SPTBN1: variants seen among roughly 807,000 people sequenced by gnomAD.
The protein encoded by SPTBN1 is spectrin beta chain, non-erythrocytic 1.
SPTBN1 carries 32 observed loss-of-function variants against 266.4 expected under a neutral mutation model. That is an observed-to-expected ratio of 0.12 (90% CI 0.09 to 0.16). The LOEUF is 0.16. Ranked by LOEUF, SPTBN1 falls within the 10% of genes least tolerant of loss-of-function variation. The probability of loss-of-function intolerance (pLI) is 1.00; values close to 1 mark genes in which losing one functional copy is unlikely to be tolerated. For missense variants in SPTBN1, 2,296 were observed against 3,067.1 expected (o/e 0.75, Z 5.94); for synonymous variants, 1,336 against 1,162.2 (o/e 1.15, Z -3.04).
intron 2 of SPTBN1, among the ~76,000 whole-genome samples, chr2:54,553,692 C>G (rs921879745): frequency 1.3e-5 from 2 of 152,140 alleles, no homozygotes; most frequent in Non-Finnish European, 2.9e-5. Context: ...TCTTTCCCAG[C>G]TCTCGGATTG....
At chr2:54,544,457 T>G (rs1356310635) in intron 2 of SPTBN1, among the ~76,000 whole-genome samples, 1 of 152,204 alleles carries the variant, frequency 6.6e-6, no homozygotes, top group Non-Finnish European at 1.5e-5. Context: ...TTGAACTTAC[T>G]AAACCTTTCC....
intron 15 of SPTBN1, among the ~76,000 whole-genome samples, 158 bp from the exon 16 acceptor site, chr2:54,630,697 T>C: frequency 6.6e-6 from 1 of 152,250 alleles, no homozygotes; most frequent in East Asian, 1.9e-4. Context: ...ATATTTGGTG[T>C]TCACAGTTTG....
intron 2 of SPTBN1, among the ~76,000 whole-genome samples, chr2:54,548,929 A>G (rs1167708719): frequency 6.6e-6 from 1 of 152,152 alleles, no homozygotes; most frequent in East Asian, 1.9e-4. Flanking sequence ...ATCAGTGTTC[A>G]GCTTTCAAAA....
chr2:54,656,020 C>G (rs1335021171), intron 29 of SPTBN1, 22 bp downstream of exon 29: 1 of 1,590,856 alleles, frequency 6.3e-7, no homozygotes, highest in Non-Finnish European at 8.6e-7. Flanking sequence ...GTTTATCTTT[C>G]TGCTCTTTTG....
At chr2:54,637,928 C>G in intron 18 of SPTBN1, 125 bp downstream of exon 18, 1 of 761,358 alleles carries the variant, frequency 1.3e-6, no homozygotes. Flanking sequence ...ACCCATTTGA[C>G]TCGCAGGCAG....
chr2:54,541,224 A>G (rs1573374646), intron 2 of SPTBN1, among the ~76,000 whole-genome samples: 1 of 152,232 alleles, frequency 6.6e-6, no homozygotes, highest in Admixed American at 6.5e-5. Context: ...ATATGTCTCT[A>G]CTATGAACAT....
chr2:54,530,617 A>G (rs2104350013), intron 2 of SPTBN1, among the ~76,000 whole-genome samples: 1 of 152,156 alleles, frequency 6.6e-6, no homozygotes, highest in East Asian at 1.9e-4. Flanking sequence ...TCGGCCTCCC[A>G]AAGTGCTGAG....
chr2:54,666,678 C>T (rs1462347004), intron 34 of SPTBN1, among the ~76,000 whole-genome samples: 4 of 152,184 alleles, frequency 2.6e-5, no homozygotes, highest in African/African-American at 4.8e-5. Flanking sequence ...AGAATTTCTC[C>T]TCACACTTGG....
intron 2 of SPTBN1, among the ~76,000 whole-genome samples, chr2:54,560,619 T>G (rs888915862): frequency 6.6e-6 from 1 of 152,214 alleles, no homozygotes; most frequent in African/African-American, 2.4e-5. Flanking sequence ...GGAAATCCCT[T>G]CGAAAGGGGT....
chr2:54,653,992 G>T lies in SPTBN1; in HGVS notation c.5822+139G>T. 7.7e-7 allele frequency: 1 copy of T among 1,301,210 alleles called. No individual in the cohort carries two copies. 80.6% of individuals were successfully genotyped at this position (1,301,210 alleles called of 1,614,324 possible). On this transcript the variant is annotated intron_variant, in intron 27 of 35. Transcript: ENST00000356805. This position sits in a 1 kb window ranked among gnomAD's most constrained non-coding sequence, Gnocchi z 5.1. ...CAGAGTGGGGGTGGGGCGGTGCTTG[G>T]AGTGCGGCACCACTGCTTGCCTCGT...
intron 32 of SPTBN1, chr2:54,662,393 T>C: frequency 3.2e-6 from 3 of 951,914 alleles, no homozygotes; most frequent in Non-Finnish European, 3.8e-6. Context: ...TCTTTCCTTC[T>C]AACTCTAAAG....
In SPTBN1 at chr2:54,659,255, C is replaced by G. The variant is rs199917226; in HGVS notation, c.6345C>G (p.Ser2115=). 6 of 1,614,020 alleles carry G rather than the reference C, an allele frequency of 3.7e-6. No homozygotes were observed. The highest frequency in any genetic ancestry group is 5.1e-6 in the Non-Finnish European group (6 of 1,179,968). Residue 2115 remains serine, a synonymous_variant, in exon 31 of 36, where the codon TCC becomes TCG. Coordinates refer to ENST00000356805, the MANE Select transcript of SPTBN1 (RefSeq NM_003128.3). ...CGAAGGTTTCAGAGGAAGCCGAGTC[C>G]CAGCAGCAGTGGTGAGTCCCAGCAG... ...PSTKVSEEAE[S]QQQWDTSKGE...
chr2:54,519,598 T>A (rs1395585550), intron 1 of SPTBN1, among the ~76,000 whole-genome samples: 2 of 152,156 alleles, frequency 1.3e-5, no homozygotes, highest in Non-Finnish European at 2.9e-5. Context: ...GCTAGAGAGA[T>A]GGGCAAGGTC....
chr2:54,550,159 T>G (rs1158667598), intron 2 of SPTBN1, among the ~76,000 whole-genome samples: 1 of 152,224 alleles, frequency 6.6e-6, no homozygotes, highest in East Asian at 1.9e-4. Context: ...AAAGAAGGTC[T>G]CAGAGGTAGC....
Position 54,631,501 on chromosome 2 carries a change from A to G in SPTBN1, c.3454A>G (p.Asn1152Asp). 2 of 1,614,212 alleles carry G rather than the reference A, an allele frequency of 1.2e-6. No homozygotes were observed. Among genetic ancestry groups the G allele is most frequent in the Non-Finnish European group, 1.7e-6 (2 of 1,180,040 alleles). The change falls in exon 16 of 36, where the codon AAC becomes GAC. Residue 1152 changes from asparagine to aspartate, a missense_variant. By Grantham distance (23) the Asn-to-Asp change is conservative. Transcript: ENST00000356805. ...GCTGCAGGCCCTGGACACTGGATGG[A>G]ACGAGCTCCACAAGATGTGGGAGAA... ...QRLQALDTGWNELHKMWENRQ... is the reference protein window; with the variant it reads ...QRLQALDTGWDELHKMWENRQ...
In SPTBN1 at chr2:54,653,394, C is replaced by T. The variant is rs1282995148; in HGVS notation, c.5578-215C>T. The T allele has an allele frequency of 7.9e-6, 5 of 633,120 alleles. No individual in the cohort carries two copies. In the South Asian group the frequency reaches 1.4e-4, roughly 17 times the overall value. 39.2% of individuals were successfully genotyped at this position (633,120 alleles called of 1,614,324 possible). ...GTAGCATTTCATTTGTTTTATCATT[C>T]ATAAAGAACTTAATAATGTAGTTGA... On this transcript the variant is annotated intron_variant, in intron 26 of 35. Coordinates refer to ENST00000356805, the MANE Select transcript of SPTBN1 (RefSeq NM_003128.3). This position sits in a 1 kb window ranked among gnomAD's most constrained non-coding sequence, Gnocchi z 5.1.
intron 1 of SPTBN1, among the ~76,000 whole-genome samples, chr2:54,485,886 C>A (rs1377325463): frequency 6.7e-6 from 1 of 150,374 alleles, no homozygotes; most frequent in Non-Finnish European, 1.5e-5. Flanking sequence ...GGCCGCGACC[C>A]GTCTGGGAGG....
At chr2:54,658,927 CT>C (rs1330720917) in intron 30 of SPTBN1, among the ~76,000 whole-genome samples, 3 of 152,200 alleles carry the variant, frequency 2.0e-5, no homozygotes, top group Non-Finnish European at 4.4e-5. Context: ...CTACAAACAA[CT>C]CACAGGAATT....
rs779375577 is a variant in SPTBN1 at position 54,662,044 on chromosome 2, A to G, written c.6420+2045A>G. The G allele has an allele frequency of 7.1e-6, 7 of 985,458 alleles. No individual in the cohort carries two copies. The South Asian group carries it at 2.3e-4, about 33-fold the overall frequency. 61.0% of individuals were successfully genotyped at this position (985,458 alleles called of 1,614,324 possible). The stretch of plus-strand genomic sequence containing the variant: ...GCTTCGTGCACTTTGAATACCAATC[A>G]GGTGTTTTCTGTGCTACTAGTTGTC... On this transcript the variant is annotated intron_variant, in intron 32 of 35. Transcript: ENST00000356805.
Sources: allele counts gnomAD v4.1 joint callset (sites outside exome capture counted in the v4.1 genomes callset), GRCh38; gene constraint gnomAD v4.1.1; non-coding constraint Gnocchi (gnomAD v3.1); transcripts MANE v1.5; gene names NCBI Gene and HGNC (gene_info 2026-07-23, HGNC 2026-07-21).